Variants in TEX13A observed in about 807,000 individuals in gnomAD.
TEX13A encodes testis-expressed protein 13A.
In TEX13A, 8 loss-of-function variants were observed where a neutral mutation model predicts 7.1. The observed-to-expected ratio is 1.12, with a 90% confidence interval of 0.66 to 2.03. TEX13A has a LOEUF of 2.03. TEX13A is among the 30% of genes most tolerant of loss of function. The pLI, the probability that TEX13A is intolerant of heterozygous loss-of-function variation, is 0.00. For synonymous variants in TEX13A, 151 were observed against 134.2 expected (o/e 1.13, Z -0.87); for missense variants, 362 against 332.2 (o/e 1.09, Z -0.70).
At position 105,220,248 on chromosome X, in the gene TEX13A, C is replaced by A. The variant is rs782665512; in HGVS notation, c.150G>T (p.Leu50=). Residue 50 remains leucine, a synonymous_variant, in exon 2 of 3, where the codon CTG becomes CTT. Transcript: ENST00000600991. ...CCTCGCTGTCCTCCAGTATGGCCCTCAGCTTGTCTTCCACCTTCTCCCAGG... is the reference window on the plus strand; with the variant it reads ...CCTCGCTGTCCTCCAGTATGGCCCTAAGCTTGTCTTCCACCTTCTCCCAGG... The part of the protein sequence containing the change: ...SLSWEKVEDK[L]RAILEDSEVP... 1.7e-6 allele frequency: 2 copies of A among 1,210,025 alleles called. No individual in the cohort carries two copies. Among genetic ancestry groups the A allele is most frequent in the African/African-American group, 3.5e-5 (2 of 57,238 alleles).
Position 105,219,245 on chromosome X carries a change from T to C in TEX13A, c.949A>G (p.Ile317Val). ...PFSSFSDIPT[I>V]SPPQATVTAP... ...GTGACTGTTGCTTGTGGAGGGGATA[T>C]AGTGGGTATGTCTGAGAAGGAGGAA... Residue 317 changes from isoleucine to valine, a missense_variant, in exon 3 of 3, where the codon ATA becomes GTA. Transcript: ENST00000600991. The C allele has an allele frequency of 8.3e-7, 1 of 1,210,440 alleles. No individual in the cohort carries two copies. The highest frequency in any genetic ancestry group is 1.1e-6 in the Non-Finnish European group (1 of 894,981).
Position 105,219,756 on chromosome X carries a change from C to T in TEX13A, c.438G>A (p.Glu146=). The T allele has an allele frequency of 1.7e-6, 2 of 1,201,554 alleles. No individual in the cohort carries two copies. The highest frequency in any genetic ancestry group is 2.2e-6 in the Non-Finnish European group (2 of 893,085). The part of the protein sequence containing the change: ...LVEVQKERDK[E]LVSPHEWEQG... ...GCTCCCACTCATGGGGAGACACCAG[C>T]TCCTGGAGAGAAGTGGGCAGGGCTG... Residue 146 remains glutamate, a splice_region_variant and synonymous_variant, in exon 3 of 3, where the codon GAG becomes GAA. Transcript: ENST00000600991.
Position 105,220,332 on chromosome X carries a change from G to A in TEX13A, c.66C>T (p.Asn22=), listed in dbSNP as rs781800251. The change falls in exon 2 of 3, where the codon AAC becomes AAT. Residue 22 remains asparagine (N), a synonymous_variant. Transcript: ENST00000600991. The part of the protein sequence containing the change: ...FRHSNVVAFI[N]EKMARHTKGP... ...CTTTCGTGTGCCTGGCCATTTTCTCGTTGATGAAGGCCACCACGTTGCTAT... is the reference window on the plus strand; with the variant it reads ...CTTTCGTGTGCCTGGCCATTTTCTCATTGATGAAGGCCACCACGTTGCTAT... 2 of 1,205,955 alleles carry A rather than the reference G, an allele frequency of 1.7e-6. No individual in the cohort carries two copies. The highest frequency in any genetic ancestry group is 2.2e-5 in the Admixed American group (1 of 45,647).
Position 105,220,394 on chromosome X carries a change from C to T in TEX13A, c.4G>A (p.Ala2Thr). The T allele has an allele frequency of 5.1e-6, 6 of 1,180,341 alleles. No homozygotes were observed. Among genetic ancestry groups the T allele is most frequent in the Non-Finnish European group, 5.7e-6 (5 of 878,112 alleles). ...CTACTGGGGTCCTCAGGTCTCAAGGCCATGATCGCCTAGGGGTTTAACGGT... is the reference window on the plus strand; with the variant it reads ...CTACTGGGGTCCTCAGGTCTCAAGGTCATGATCGCCTAGGGGTTTAACGGT... M[A>T]LRPEDPSSGF... The change falls in exon 2 of 3, where the codon GCC becomes ACC. Residue 2 changes from alanine (A) to threonine (T), a missense_variant. Coordinates refer to ENST00000600991, the MANE Select transcript of TEX13A (RefSeq NM_031274.5).
chrX:105,220,669 T>G lies in TEX13A; in HGVS notation c.-107A>C. On this transcript the variant is annotated 5_prime_UTR_variant, in exon 1 of 3. Transcript: ENST00000600991. ...ACGCCCGAAGAGAGAGGAAGATCTC[T>G]CTCCCTCCTAAGGTTCCAGGGAAAG... is the stretch of plus-strand genomic sequence containing the variant. 3.6e-6 allele frequency: 1 copy of G among 279,987 alleles called. No individual in the cohort carries two copies. The highest frequency in any genetic ancestry group is 6.3e-6 in the Non-Finnish European group (1 of 158,052). 23.1% of individuals were successfully genotyped at this position (279,987 alleles called of 1,213,427 possible). A position where few individuals can be genotyped will look rare whatever the true frequency, so the allele number is the denominator to read the frequency against.
At chrX:105,220,457 C>T in intron 1 of TEX13A, 28 bp from the exon 2 acceptor site, 3 of 1,017,903 alleles carry the variant, frequency 2.9e-6, no homozygotes, top group Non-Finnish European at 1.3e-6. Context: ...CCAATAGGTT[C>T]CTTTCCTCCC....
chrX:105,219,194 A>G lies in TEX13A; in HGVS notation c.1000T>C (p.Ser334Pro), dbSNP rs782224917. 6 of 1,207,929 alleles carry G rather than the reference A, an allele frequency of 5.0e-6. No individual in the cohort carries two copies. Among genetic ancestry groups the G allele is most frequent in the Non-Finnish European group, 5.6e-6 (5 of 894,192 alleles). Residue 334 changes from serine to proline, a missense_variant, in exon 3 of 3, where the codon TCC becomes CCC. Transcript: ENST00000600991. Reference sequence around the variant, plus strand: ...CTAGTATCAAAGGCCTCCCAGTCGGAAGGCAGCTGAGGCGGAACTGGTGCT... The same window carrying G: ...CTAGTATCAAAGGCCTCCCAGTCGGGAGGCAGCTGAGGCGGAACTGGTGCT... ...VTAPVPPQLPSDWEAFDTSLW... is the reference protein window; with the variant it reads ...VTAPVPPQLPPDWEAFDTSLW...
chrX:105,219,793 G>A lies in TEX13A; in HGVS notation c.436-35C>T, dbSNP rs782574761. On this transcript the variant is annotated intron_variant, in intron 2 of 2. Transcript: ENST00000600991. ...AGTGGGCAGGGCTGAGGTGTGTTCT[G>A]GGGGCAAGGCGGGAGCACTAAGCAG... The A allele has an allele frequency of 5.2e-6, 6 of 1,162,985 alleles. No homozygotes were observed. In the African/African-American group the frequency reaches 1.1e-4, roughly 21 times the overall value.
At position 105,220,024 on chromosome X, in the gene TEX13A, G is replaced by A. The variant is rs782474353; in HGVS notation, c.374C>T (p.Ala125Val). The A allele has an allele frequency of 6.6e-6, 8 of 1,210,665 alleles. No individual in the cohort carries two copies. In the East Asian group the frequency reaches 1.8e-4, roughly 27 times the overall value. ...CTGGGCCATTCTTAGCCGGGAGGCC[G>A]CCTCCTTGCGTTCCGTCTCCTGCTG... is the stretch of plus-strand genomic sequence containing the variant. ...REQQETERKE[A>V]ASRLRMAQTS... Residue 125 changes from alanine (A) to valine (V), a missense_variant, in exon 2 of 3, where the codon GCG becomes GTG. Physicochemically the swap from Ala to Val is moderately conservative, Grantham distance 64. Transcript: ENST00000600991.
Position 105,218,935 on chromosome X carries a change from T to A in TEX13A, c.*29A>T. On this transcript the variant is annotated 3_prime_UTR_variant, in exon 3 of 3. Coordinates refer to ENST00000600991, the MANE Select transcript of TEX13A (RefSeq NM_031274.5). ...AATTAATTCGCCATCGAGATATACA[T>A]GCTTCGGTTCTATTTTGCATTTCTG... 1 of 1,055,789 alleles carries A rather than the reference T, an allele frequency of 9.5e-7. No individual in the cohort carries two copies. The highest frequency in any genetic ancestry group is 4.1e-5 in the East Asian group (1 of 24,136). 87.0% of individuals were successfully genotyped at this position (1,055,789 alleles called of 1,213,427 possible).
In TEX13A at chrX:105,219,669, C is replaced by T; in HGVS notation, c.525G>A (p.Glu175=). 1 of 1,210,433 alleles carries T rather than the reference C, an allele frequency of 8.3e-7. No homozygotes were observed. The highest frequency in any genetic ancestry group is 1.1e-6 in the Non-Finnish European group (1 of 895,316). The change falls in exon 3 of 3, where the codon GAG becomes GAA. Residue 175 remains glutamate, a synonymous_variant. Transcript: ENST00000600991. ...AGGVCTEGAA[E]EEEEAAVAAA... ...CAGCCACCGCCGCCTCTTCTTCCTCCTCAGCTGCTCCTTCTGTGCAAACCC... is the reference window on the plus strand; with the variant it reads ...CAGCCACCGCCGCCTCTTCTTCCTCTTCAGCTGCTCCTTCTGTGCAAACCC...
chrX:105,220,051 T>C lies in TEX13A; in HGVS notation c.347A>G (p.Glu116Gly). Residue 116 changes from glutamate (E) to glycine (G), a missense_variant, in exon 2 of 3, where the codon GAG (glutamate) becomes GGG (glycine). Glu to Gly is a moderately conservative substitution (Grantham distance 98, BLOSUM62 -2). Coordinates refer to ENST00000600991, the MANE Select transcript of TEX13A (RefSeq NM_031274.5). ...CTCCTTGCGTTCCGTCTCCTGCTGC[T>C]CCCTGAGCTTCTTCAGGTCTGATGC... The part of the protein sequence containing the change: ...ALASDLKKLR[E>G]QQETERKEAA... 4 of 1,211,689 alleles carry C rather than the reference T, an allele frequency of 3.3e-6. No homozygotes were observed. Among genetic ancestry groups the C allele is most frequent in the Non-Finnish European group, 4.5e-6 (4 of 895,308 alleles).
chrX:105,220,308 T>C lies in TEX13A; in HGVS notation c.90A>G (p.Lys30=). 1 of 1,210,064 alleles carries C rather than the reference T, an allele frequency of 8.3e-7. No individual in the cohort carries two copies. The highest frequency in any genetic ancestry group is 1.1e-6 in the Non-Finnish European group (1 of 894,450). The change falls in exon 2 of 3, where the codon AAA becomes AAG. Residue 30 remains lysine, a synonymous_variant. Coordinates refer to ENST00000600991, the MANE Select transcript of TEX13A (RefSeq NM_031274.5). ...FINEKMARHT[K]GPEFYLENIS... ...TATTCTCAAGATAGAACTCGGGGCC[T>C]TTCGTGTGCCTGGCCATTTTCTCGT...
chrX:105,219,354 G>A lies in TEX13A; in HGVS notation c.840C>T (p.Thr280=), dbSNP rs2033912804. The A allele has an allele frequency of 8.3e-7, 1 of 1,211,377 alleles. No homozygotes were observed. The highest frequency in any genetic ancestry group is 1.1e-6 in the Non-Finnish European group (1 of 895,296). ...VETATSYFSG[T]TNPWSRASSE... Reference sequence around the variant, plus strand: ...ATGAGGCTCTGGACCAGGGGTTCGTGGTTCCAGAGAAATAAGATGTGGCTG... The same window carrying A: ...ATGAGGCTCTGGACCAGGGGTTCGTAGTTCCAGAGAAATAAGATGTGGCTG... Residue 280 remains threonine (T), a synonymous_variant, in exon 3 of 3, where the codon ACC becomes ACT. Coordinates refer to ENST00000600991, the MANE Select transcript of TEX13A (RefSeq NM_031274.5).
At position 105,219,384 on chromosome X, in the gene TEX13A, G is replaced by A. The variant is rs1388477620; in HGVS notation, c.810C>T (p.Val270=). ...CAGAGAAATAAGATGTGGCTGTTTC[G>A]ACCGACCGGAGATCTCCCTCCTTCT... The part of the protein sequence containing the change: ...WGQKEGDLRS[V]ETATSYFSGT... The change falls in exon 3 of 3, where the codon GTC becomes GTT. Residue 270 remains valine, a synonymous_variant. Transcript: ENST00000600991. The A allele has an allele frequency of 8.3e-6, 10 of 1,208,353 alleles. No individual in the cohort carries two copies. In the South Asian group the frequency reaches 1.1e-4, roughly 13 times the overall value.
At position 105,219,336 on chromosome X, in the gene TEX13A, T is replaced by C; in HGVS notation, c.858A>G (p.Arg286=). 1.7e-6 allele frequency: 2 copies of C among 1,211,425 alleles called. No homozygotes were observed. The highest frequency in any genetic ancestry group is 2.2e-6 in the Non-Finnish European group (2 of 895,329). Residue 286 remains arginine (R), a synonymous_variant, in exon 3 of 3, where the codon AGA becomes AGG. Transcript: ENST00000600991. ...GGACAGGAAGAGGTTCTGATGAGGC[T>C]CTGGACCAGGGGTTCGTGGTTCCAG... ...YFSGTTNPWS[R]ASSEPLPVQL...
At position 105,220,469 on chromosome X, in the gene TEX13A, C is replaced by T. The variant is rs2033948749; in HGVS notation, c.-32-40G>A. On this transcript the variant is annotated intron_variant, in intron 1 of 2. Transcript: ENST00000600991. ...CAGCCAATAGGTTCCTTTCCTCCCC[C>T]TTAGCCCCTCCCCTCATCCATCTTC... The T allele has an allele frequency of 3.1e-6, 3 of 952,387 alleles. No homozygotes were observed. The Admixed American group carries it at 1.0e-4, about 32-fold the overall frequency. 78.5% of individuals were successfully genotyped at this position (952,387 alleles called of 1,213,427 possible).
chrX:105,220,215 A>G lies in TEX13A; in HGVS notation c.183T>C (p.Ser61=), dbSNP rs782783205. The change falls in exon 2 of 3, where the codon AGT becomes AGC. Residue 61 remains serine (S), a synonymous_variant. Transcript: ENST00000600991. Reference sequence around the variant, plus strand: ...CCCAGGTGCAGGCCTCTTTGACCTCACTGGGCACCTCGCTGTCCTCCAGTA... The same window carrying G: ...CCCAGGTGCAGGCCTCTTTGACCTCGCTGGGCACCTCGCTGTCCTCCAGTA... The part of the protein sequence containing the change: ...RAILEDSEVP[S]EVKEACTWGS... 39 of 1,209,962 alleles carry G rather than the reference A, an allele frequency of 3.2e-5. No homozygotes were observed. In the South Asian group the frequency reaches 4.6e-4, roughly 14 times the overall value.
At chrX:105,219,924 G>T in intron 2 of TEX13A, 39 bp downstream of exon 2, 1 of 1,156,648 alleles carries the variant, frequency 8.6e-7, no homozygotes, top group Non-Finnish European at 1.2e-6. Flanking sequence ...GCAGGGACCA[G>T]TTGAGGGATC....
Sources: allele counts gnomAD v4.1 joint callset, GRCh38; gene constraint gnomAD v4.1.1; transcripts MANE v1.5; gene names NCBI Gene and HGNC (gene_info 2026-07-23, HGNC 2026-07-21).